The following LINC00305 variants were observed in gnomAD, a reference collection of about 807,000 sequenced individuals.
LINC00305 encodes long intergenic non-protein coding RNA 305.
At chr18:64,141,356 A>G (rs2051462285) in intron 1 of LINC00305, among the ~76,000 whole-genome samples, 2 of 152,228 alleles carry the variant, frequency 1.3e-5, no homozygotes, top group South Asian at 4.1e-4. Flanking sequence ...AGAAGTACAA[A>G]GTAAGGGTGT....
At chr18:64,108,784 C>A (rs956812167) in intron 1 of LINC00305, among the ~76,000 whole-genome samples, 2 of 152,098 alleles carry the variant, frequency 1.3e-5, no homozygotes, top group African/African-American at 4.8e-5. Context: ...CCAATACATA[C>A]TTTGATTATA....
chr18:64,106,854 C>A (rs1390747858), intron 1 of LINC00305, among the ~76,000 whole-genome samples: 1 of 152,164 alleles, frequency 6.6e-6, no homozygotes, highest in African/African-American at 2.4e-5. Flanking sequence ...GCTCAGGTGG[C>A]AAACTTGCCA....
chr18:64,115,098 G>C (rs1029080139), intron 1 of LINC00305, among the ~76,000 whole-genome samples: 1 of 152,174 alleles, frequency 6.6e-6, no homozygotes, highest in Non-Finnish European at 1.5e-5. Context: ...AGGGAAAGCC[G>C]TGTGCTGAAA....
intron 3 of LINC00305, among the ~76,000 whole-genome samples, chr18:64,096,148 C>T (rs1016352437): frequency 6.6e-6 from 1 of 151,858 alleles, no homozygotes; most frequent in Non-Finnish European, 1.5e-5. Context: ...GAAGCAAGTG[C>T]CTATATACAT....
Position 64,143,209 on chromosome 18 carries a change from A to G in LINC00305, n.314+5566T>C, listed in dbSNP as rs187224598. On this transcript the variant is annotated intron_variant and non_coding_transcript_variant, in intron 1 of 3. Coordinates refer to ENST00000666468, the Ensembl canonical transcript of LINC00305. ...TTAGTCCTTTATTTAAAAATGATCT[A>G]CTTGTCCTTATTTTGTCTAATTATG... Among the ~76,000 whole-genome samples, 273 of 152,236 alleles carry G rather than the reference A, an allele frequency of 1.8e-3. 2 individuals carry two copies. Among genetic ancestry groups the G allele is most frequent in the Non-Finnish European group, 2.1e-3 (144 of 68,006 alleles).
At chr18:64,123,648 A>G (rs752301867) in intron 1 of LINC00305, among the ~76,000 whole-genome samples, 2 of 151,612 alleles carry the variant, frequency 1.3e-5, no homozygotes, top group African/African-American at 4.9e-5. Flanking sequence ...CTTTCCTTTC[A>G]CATTTCTATA....
At chr18:64,139,819 G>A (rs1357176792) in intron 1 of LINC00305, among the ~76,000 whole-genome samples, 1 of 152,046 alleles carries the variant, frequency 6.6e-6, no homozygotes, top group Admixed American at 6.6e-5. Flanking sequence ...CAAGAATCTT[G>A]AGGCAATCCT....
intron 1 of LINC00305, among the ~76,000 whole-genome samples, chr18:64,130,312 T>C (rs190221647): frequency 9.2e-5 from 14 of 152,314 alleles, no homozygotes; most frequent in Non-Finnish European, 1.3e-4. Context: ...CTCAATTTTA[T>C]GTATTATGTG....
rs1379679304 is a variant in LINC00305 at position 64,141,415 on chromosome 18, A to T, written n.314+7360T>A. On this transcript the variant is annotated intron_variant and non_coding_transcript_variant, in intron 1 of 3. Transcript: ENST00000666468. ...AAGCTGTGAAACTGAATAGGTTTTT[A>T]AAAAAGGTTACTGTTGAAAACGAGC... Among the ~76,000 whole-genome samples, 7 of 152,320 alleles carry T rather than the reference A, an allele frequency of 4.6e-5. No homozygotes were observed. In the East Asian group the frequency reaches 1.2e-3, roughly 25 times the overall value.
intron 1 of LINC00305, among the ~76,000 whole-genome samples, chr18:64,135,478 A>T (rs1216269705): frequency 6.6e-6 from 1 of 152,132 alleles, no homozygotes; most frequent in African/African-American, 2.4e-5. Context: ...TAAAGGGAGG[A>T]ATTTGTTGGC....
intron 3 of LINC00305, among the ~76,000 whole-genome samples, chr18:64,093,685 GAA>G (rs1269112642): frequency 1.3e-5 from 2 of 152,188 alleles, no homozygotes; most frequent in Non-Finnish European, 2.9e-5. Flanking sequence ...TAGCCATGGG[GAA>G]AAGTGACTCA....
intron 1 of LINC00305, among the ~76,000 whole-genome samples, chr18:64,145,042 C>G (rs898145661): frequency 1.3e-5 from 2 of 152,144 alleles, no homozygotes; most frequent in African/African-American, 4.8e-5. Context: ...TTAAGGCATA[C>G]TCCCTTCTGA....
intron 1 of LINC00305, among the ~76,000 whole-genome samples, chr18:64,137,322 C>A (rs1370684981): frequency 6.6e-6 from 1 of 152,168 alleles, no homozygotes; most frequent in Non-Finnish European, 1.5e-5. Flanking sequence ...TGACTTCTAG[C>A]CTCCAGAACT....
chr18:64,104,332 T>C (rs2051280436), intron 1 of LINC00305: 1 of 152,190 alleles, frequency 6.6e-6, no homozygotes, highest in Admixed American at 6.5e-5. Flanking sequence ...CCTCTAGAAA[T>C]TTGTATAAAG....
At chr18:64,130,316 T>C (rs2051403791) in intron 1 of LINC00305, among the ~76,000 whole-genome samples, 1 of 152,170 alleles carries the variant, frequency 6.6e-6, no homozygotes, top group South Asian at 2.1e-4. Flanking sequence ...ATTTTATGTA[T>C]TATGTGCTTA....
chr18:64,101,656 T>C (rs1262190993), intron 1 of LINC00305, among the ~76,000 whole-genome samples: 2 of 152,168 alleles, frequency 1.3e-5, no homozygotes, highest in East Asian at 3.9e-4. Context: ...TAAGACCTTT[T>C]TAAAATCAGG....
chr18:64,085,270 C>T (rs954304559), intron 3 of LINC00305, among the ~76,000 whole-genome samples: 22 of 152,186 alleles, frequency 1.4e-4, no homozygotes, highest in African/African-American at 5.3e-4. Context: ...TTCTTATGTA[C>T]CTGCTTGAAT....
At chr18:64,116,859 G>T (rs967795720) in intron 1 of LINC00305, among the ~76,000 whole-genome samples, 3 of 152,108 alleles carry the variant, frequency 2.0e-5, no homozygotes, top group Admixed American at 1.3e-4. Flanking sequence ...GGTTTACCAC[G>T]GGCCTTCCAT....
At chr18:64,081,564 A>C (rs78825557) in intron 3 of LINC00305, among the ~76,000 whole-genome samples, 2,673 of 152,300 alleles carry the variant, frequency 0.018, 71 homozygotes, top group African/African-American at 0.06. Context: ...ATAAAAATAA[A>C]TATTTATTGT....
Sources: gnomAD v4.1 joint callset for allele counts (sites outside exome capture counted in the v4.1 genomes callset) on GRCh38, gnomAD v4.1.1 for gene constraint, MANE v1.5 for transcripts, NCBI Gene and HGNC (gene_info 2026-07-23, HGNC 2026-07-21) for gene names.